Variants in ZMYM2 observed in about 807,000 individuals in gnomAD.
ZMYM2 encodes the protein zinc finger MYM-type containing 2.
In ZMYM2, 56 loss-of-function variants were observed where a neutral mutation model predicts 162.8. That is an observed-to-expected ratio of 0.34 (90% CI 0.28 to 0.43). The LOEUF is 0.43. Ranked by LOEUF, ZMYM2 falls within the 20% of genes least tolerant of loss-of-function variation. The probability of loss-of-function intolerance (pLI) is 1.00; values close to 1 mark genes in which losing one functional copy is unlikely to be tolerated. For synonymous variants in ZMYM2, 510 were observed against 541.6 expected, an observed-to-expected ratio of 0.94 and a Z score of 0.81; for missense variants, 1,275 against 1,621.8, an observed-to-expected ratio of 0.79 and a Z score of 3.67.
the ZMYM2 span, among the ~76,000 whole-genome samples, chr13:19,903,421 C>T: frequency 1.3e-4 from 18 of 135,178 alleles, no homozygotes; most frequent in African/African-American, 3.8e-4. Flanking sequence ...GGGCGGATCA[C>T]GAGGTTAGGA....
At position 20,005,151 on chromosome 13, in the gene ZMYM2, C is replaced by T; in HGVS notation, c.1211C>T (p.Ser404Phe). 1 of 1,601,546 alleles carries T rather than the reference C, an allele frequency of 6.2e-7. No homozygotes were observed. Among genetic ancestry groups the T allele is most frequent in the Non-Finnish European group, 8.5e-7 (1 of 1,175,918 alleles). Reference sequence around the variant, plus strand: ...TCCTTCCAGGAATTCTGTAGTACATCTTGTTTATCTCTCTATGAAGACAAA... The same window carrying T: ...TCCTTCCAGGAATTCTGTAGTACATTTTGTTTATCTCTCTATGAAGACAAA... ...SESFQEFCST[S>F]CLSLYEDKQN... Residue 404 changes from serine to phenylalanine, a missense_variant, in exon 5 of 25, where the codon TCT (serine) becomes TTT (phenylalanine). Ser to Phe is a radical substitution (Grantham distance 155). Transcript: ENST00000610343.
At chr13:20,014,918 C>T (rs1951496696) in intron 6 of ZMYM2, among the ~76,000 whole-genome samples, 1 of 151,920 alleles carries the variant, frequency 6.6e-6, no homozygotes, top group South Asian at 2.1e-4. Flanking sequence ...GCATGTGCCA[C>T]CACACCTGGC....
intron 19 of ZMYM2, chr13:20,066,622 G>C (rs2140880298): frequency 2.7e-6 from 1 of 375,158 alleles, no homozygotes; most frequent in African/African-American, 2.1e-5. Flanking sequence ...AGGAGGAAGA[G>C]GAGAGAGGTT....
intron 21 of ZMYM2, among the ~76,000 whole-genome samples, chr13:20,072,487 C>T (rs191247323): frequency 4.9e-4 from 75 of 152,250 alleles, no homozygotes; most frequent in Non-Finnish European, 1.2e-4. Flanking sequence ...CGCCATTGCA[C>T]TCCAGCCTGG....
the ZMYM2 span, among the ~76,000 whole-genome samples, chr13:19,883,318 A>C: frequency 6.6e-6 from 1 of 152,222 alleles, no homozygotes; most frequent in African/African-American, 2.4e-5. Flanking sequence ...TTATAACTTG[A>C]TAAAGGTGGT....
rs756189415 is a variant in ZMYM2, at chr13:20,086,038, G to A, written c.*24G>A. On this transcript the variant is annotated 3_prime_UTR_variant, in exon 25 of 25. Coordinates refer to ENST00000610343, the MANE Select transcript of ZMYM2 (RefSeq NM_197968.4). The stretch of plus-strand genomic sequence containing the variant: ...AAAAAGGAACGTTGCAGAAGCAATC[G>A]GGATAAAACAGCATTAGATAGTCAT... 164 of 1,604,218 alleles carry A rather than the reference G, an allele frequency of 1.0e-4. No individual in the cohort carries two copies. The highest frequency in any genetic ancestry group is 2.4e-4 in the South Asian group (22 of 90,368).
chr13:20,035,161 G>A (rs1297775217), intron 11 of ZMYM2, among the ~76,000 whole-genome samples: 5 of 152,010 alleles, frequency 3.3e-5, no homozygotes, highest in African/African-American at 1.2e-4. Context: ...ATTTTTTTCT[G>A]GATCTGCTTT....
chr13:20,010,352 C>T (rs773838269), intron 6 of ZMYM2, among the ~76,000 whole-genome samples: 72 of 152,136 alleles, frequency 4.7e-4, no homozygotes, highest in Middle Eastern at 3.4e-3. Flanking sequence ...CGGGCCACTA[C>T]GCCTGTCTAA....
At chr13:19,936,710 A>G in the ZMYM2 span, among the ~76,000 whole-genome samples, 1 of 152,150 alleles carries the variant, frequency 6.6e-6, no homozygotes, top group Non-Finnish European at 1.5e-5. Flanking sequence ...CAAAGAGTGA[A>G]ACTATGTCTC....
At chr13:19,933,575 T>G in the ZMYM2 span, among the ~76,000 whole-genome samples, 1 of 152,096 alleles carries the variant, frequency 6.6e-6, no homozygotes, top group African/African-American at 2.4e-5. Context: ...AATTTATTAA[T>G]TAGTATTTTG....
At chr13:20,010,810 T>G (rs1165436519) in intron 6 of ZMYM2, among the ~76,000 whole-genome samples, 1 of 151,896 alleles carries the variant, frequency 6.6e-6, no homozygotes, top group Admixed American at 6.5e-5. Flanking sequence ...CTGGCTAATT[T>G]TTGTATTTTT....
At position 19,993,108 on chromosome 13, in the gene ZMYM2, T is replaced by TG; in HGVS notation, c.37dup (p.Asp13GlyfsTer15). ...GTTCAGTGGGAGGATTAGAATTGAC[T>TG]GATCAGACTCCTGTTTTATTAGGGA... On this transcript the variant is annotated frameshift_variant, in exon 3 of 25. Coordinates refer to ENST00000610343, the MANE Select transcript of ZMYM2 (RefSeq NM_197968.4). LOFTEE classifies it high-confidence loss of function. 1 of 1,612,794 alleles carries TG rather than the reference T, an allele frequency of 6.2e-7. No individual in the cohort carries two copies. Among genetic ancestry groups the TG allele is most frequent in the Non-Finnish European group, 8.5e-7 (1 of 1,179,580 alleles).
At chr13:20,007,486 C>CTCAT (rs756306229) in intron 6 of ZMYM2, among the ~76,000 whole-genome samples, 1 of 152,002 alleles carries the variant, frequency 6.6e-6, no homozygotes, top group South Asian at 2.1e-4. Context: ...TATTCCATTG[C>CTCAT]TCATTGGAAA....
At position 20,086,804 on chromosome 13, in the gene ZMYM2, AT is replaced by A. The variant is rs547402545; in HGVS notation, c.*792del. 17 of 145,958 alleles carry A rather than the reference AT, an allele frequency of 1.2e-4. No individual in the cohort carries two copies. The South Asian group carries it at 3.5e-3, about 30-fold the overall frequency. 9.0% of individuals were successfully genotyped at this position (145,958 alleles called of 1,614,324 possible). On this transcript the variant is annotated 3_prime_UTR_variant, in exon 25 of 25. Transcript: ENST00000610343. Reference sequence around the variant, plus strand: ...ATATATATATATATATATATAAATGATTGTAAGTTGAAAACAAGATCATCAA... The same window carrying A: ...ATATATATATATATATATATAAATGATGTAAGTTGAAAACAAGATCATCAA...
At chr13:19,964,368 AC>A (rs778949864) in intron 2 of ZMYM2, among the ~76,000 whole-genome samples, 6 of 147,858 alleles carry the variant, frequency 4.1e-5, no homozygotes, top group Non-Finnish European at 5.9e-5. Flanking sequence ...AGAGTGAGAG[AC>A]CGTCTCAAAA....
chr13:20,035,484 G>A (rs907124434), intron 11 of ZMYM2, among the ~76,000 whole-genome samples: 1 of 152,140 alleles, frequency 6.6e-6, no homozygotes, highest in Non-Finnish European at 1.5e-5. Context: ...TGAAAAGATT[G>A]ATTCTGAATT....
the ZMYM2 span, among the ~76,000 whole-genome samples, chr13:19,929,375 A>T: frequency 2.0e-4 from 30 of 152,068 alleles, no homozygotes; most frequent in Admixed American, 1.9e-3. Flanking sequence ...AGTAGCTGGG[A>T]CTACAGGCGC....
At chr13:20,024,648 T>A (rs1952418415) in intron 7 of ZMYM2, 1 of 223,574 alleles carries the variant, frequency 4.5e-6, no homozygotes, top group South Asian at 1.8e-4. Context: ...TTTGTTTTTG[T>A]CCCTTTTCCA....
At chr13:19,870,533 CT>C in the ZMYM2 span, among the ~76,000 whole-genome samples, 1 of 70,464 alleles carries the variant, frequency 1.4e-5, no homozygotes, top group African/African-American at 4.7e-5. Context: ...CTCTTTCTTT[CT>C]TTCTCTTTCT....
Sources: gnomAD v4.1 joint callset for allele counts (sites outside exome capture counted in the v4.1 genomes callset) on GRCh38, gnomAD v4.1.1 for gene constraint, MANE v1.5 for transcripts, NCBI Gene and HGNC (gene_info 2026-07-23, HGNC 2026-07-21) for gene names.